FAT3: variants seen among roughly 807,000 people sequenced by gnomAD.
FAT3 encodes FAT atypical cadherin 3, also known as protocadherin Fat 3.
In FAT3, 95 loss-of-function variants were observed where a neutral mutation model predicts 310.2. The ratio of observed to expected loss-of-function variants is 0.31; its 90% CI spans 0.26 to 0.36. The LOEUF (loss-of-function observed/expected upper bound fraction) is 0.36. FAT3 is among the 10% of genes least tolerant of loss of function. The pLI is 1.00. For synonymous variants in FAT3, 2,314 were observed against 2,192.9 expected (o/e 1.06, Z -1.54); for missense variants, 5,408 against 5,715.6 (o/e 0.95, Z 1.74).
At chr11:92,835,408 A>C (rs1948380075) in intron 15 of FAT3, among the ~76,000 whole-genome samples, 1 of 152,116 alleles carries the variant, frequency 6.6e-6, no homozygotes, top group African/African-American at 2.4e-5. Flanking sequence ...CTTATATGAC[A>C]GGTTATTAGG....
intron 1 of FAT3, among the ~76,000 whole-genome samples, chr11:92,275,997 A>T (rs1946259229): frequency 6.6e-6 from 1 of 152,218 alleles, no homozygotes; most frequent in Non-Finnish European, 1.5e-5. Context: ...TTTTTTAAAA[A>T]GAATCTCATA....
At chr11:92,446,108 A>C (rs1007062178) in intron 2 of FAT3, among the ~76,000 whole-genome samples, 1 of 152,192 alleles carries the variant, frequency 6.6e-6, no homozygotes, top group Non-Finnish European at 1.5e-5. Context: ...ACCTAAAGTC[A>C]CTGATCCTCA....
chr11:92,383,861 A>G (rs553170245), intron 2 of FAT3, among the ~76,000 whole-genome samples: 5 of 152,312 alleles, frequency 3.3e-5, no homozygotes, highest in African/African-American at 1.2e-4. Context: ...GAGAGAGAGA[A>G]AGGAAAATAA....
rs748692596 is a variant in FAT3 at position 92,355,187 on chromosome 11, C to G, written c.3075C>G (p.Ser1025=). Residue 1025 remains serine (S), a synonymous_variant, in exon 2 of 28, where the codon TCC becomes TCG. Coordinates refer to ENST00000525166, the MANE Select transcript of FAT3 (RefSeq NM_001367949.2). ...GGCCTGTCTCTCTGTCATCTGTTTC[C>G]TTTGTTGAGGTGGAAGTGGTGGATG... ...KGRPVSLSSV[S]FVEVEVVDVN... 30 of 1,613,620 alleles carry G rather than the reference C, an allele frequency of 1.9e-5. No homozygotes were observed. The highest frequency in any genetic ancestry group is 2.5e-5 in the Non-Finnish European group (30 of 1,179,826).
At chr11:92,325,187 C>T (rs1295738961) in intron 1 of FAT3, among the ~76,000 whole-genome samples, 2 of 152,144 alleles carry the variant, frequency 1.3e-5, no homozygotes, top group Non-Finnish European at 1.5e-5. Flanking sequence ...TTCTGATTTG[C>T]CTGCCAGCCT....
chr11:92,444,364 A>G (rs1304577151), intron 2 of FAT3, among the ~76,000 whole-genome samples: 2 of 152,130 alleles, frequency 1.3e-5, no homozygotes, highest in Admixed American at 6.6e-5. Flanking sequence ...CCGGTCTCCT[A>G]TCCTTTCATT....
chr11:92,412,402 A>ATTTTTTTTTTTTTTTTTTTTTT (rs780298367), intron 2 of FAT3, among the ~76,000 whole-genome samples: 1 of 101,126 alleles, frequency 9.9e-6, no homozygotes. Flanking sequence ...GACCCGGCCT[A>ATTTTTTTTTTTTTTTTTTTTTT]TTTTTTTTTT....
At chr11:92,802,448 A>G (rs1198331175) in intron 10 of FAT3, among the ~76,000 whole-genome samples, 6 of 152,164 alleles carry the variant, frequency 3.9e-5, no homozygotes, top group Non-Finnish European at 8.8e-5. Context: ...TCTGACAACC[A>G]AAATTTTTTG....
chr11:92,412,726 TATATATATATATATATATAAATATAC>T lies in FAT3; in HGVS notation c.3292+57326_3292+57351del, dbSNP rs1208016837. Among the ~76,000 whole-genome samples the T allele has an allele frequency of 3.7e-4, 15 of 40,816 alleles. 1 individual carries two copies. The highest frequency in any genetic ancestry group is 1.0e-3 in the Admixed American group (3 of 3,014). The allele number at this position is 40,816 out of a possible 152,430, so 26.8% of individuals were successfully genotyped here. A position where few individuals can be genotyped will look rare whatever the true frequency, so the allele number is the denominator to read the frequency against. ...TGATATATATATATATATATATATA[TATATATATATATATATATAAATATAC>T]ATACATATATATATATTTAATGTAA... On this transcript the variant is annotated intron_variant, in intron 2 of 27. Coordinates refer to ENST00000525166, the MANE Select transcript of FAT3 (RefSeq NM_001367949.2).
intron 2 of FAT3, among the ~76,000 whole-genome samples, chr11:92,387,568 A>G (rs1591210081): frequency 6.6e-6 from 1 of 152,266 alleles, no homozygotes; most frequent in East Asian, 1.9e-4. Flanking sequence ...TTTGTTAACC[A>G]GTGGTTGTGT....
chr11:92,665,612 G>T (rs969180645), intron 3 of FAT3, among the ~76,000 whole-genome samples: 3 of 152,110 alleles, frequency 2.0e-5, no homozygotes, highest in Admixed American at 1.3e-4. Flanking sequence ...AAAATTATGG[G>T]AATGACCACA....
intron 13 of FAT3, among the ~76,000 whole-genome samples, chr11:92,811,346 C>T (rs1947666707): frequency 6.6e-6 from 1 of 151,998 alleles, no homozygotes; most frequent in Non-Finnish European, 1.5e-5. Context: ...TATAATTAGG[C>T]CATAGATGAT....
At chr11:92,532,418 G>A (rs914043336) in intron 3 of FAT3, among the ~76,000 whole-genome samples, 3 of 152,052 alleles carry the variant, frequency 2.0e-5, no homozygotes, top group African/African-American at 7.2e-5. Context: ...ACATTTGTAT[G>A]TTTTTCTATT....
intron 8 of FAT3, among the ~76,000 whole-genome samples, chr11:92,792,073 C>T (rs1036046660): frequency 6.6e-6 from 1 of 152,200 alleles, no homozygotes; most frequent in Non-Finnish European, 1.5e-5. Flanking sequence ...CACACTACTA[C>T]CACCACCATT....
intron 22 of FAT3, among the ~76,000 whole-genome samples, chr11:92,872,338 C>G (rs971028230): frequency 1.1e-4 from 17 of 152,330 alleles, no homozygotes; most frequent in African/African-American, 4.1e-4. Flanking sequence ...GGTGTGGCCT[C>G]CCTCTCCTCA....
intron 19 of FAT3, among the ~76,000 whole-genome samples, chr11:92,854,457 C>T (rs913656507): frequency 1.3e-5 from 2 of 152,300 alleles, no homozygotes; most frequent in South Asian, 2.1e-4. Context: ...ACCCCAGCCA[C>T]GCCTTCCCTG....
intron 1 of FAT3, chr11:92,314,281 T>G (rs1012159985): frequency 1.0e-6 from 1 of 983,222 alleles, no homozygotes; most frequent in African/African-American, 1.7e-5. Flanking sequence ...ATTCTAAGGT[T>G]CAGATGAGAA....
At chr11:92,275,090 C>T (rs1202483652) in intron 1 of FAT3, among the ~76,000 whole-genome samples, 1 of 152,036 alleles carries the variant, frequency 6.6e-6, no homozygotes, top group Non-Finnish European at 1.5e-5. Context: ...GTAGTGTGTG[C>T]CATGAACGCC....
At position 92,892,323 on chromosome 11, in the gene FAT3, T is replaced by C. The variant is rs1398922017; in HGVS notation, c.*1210T>C. The C allele has an allele frequency of 6.6e-6, 1 of 152,144 alleles. No individual in the cohort carries two copies. The highest frequency in any genetic ancestry group is 1.5e-5 in the Non-Finnish European group (1 of 68,032). 9.4% of individuals were successfully genotyped at this position (152,144 alleles called of 1,614,324 possible). ...ATGGCATACCTTTCAATTTCTCTGA[T>C]CTCTATGGTGTTAGAGAAACATCAA... On this transcript the variant is annotated 3_prime_UTR_variant, in exon 28 of 28. Coordinates refer to ENST00000525166, the MANE Select transcript of FAT3 (RefSeq NM_001367949.2).
Sources: allele counts gnomAD v4.1 joint callset (sites outside exome capture counted in the v4.1 genomes callset), GRCh38; gene constraint gnomAD v4.1.1; transcripts MANE v1.5; gene names NCBI Gene and HGNC (gene_info 2026-07-23, HGNC 2026-07-21).